Variants in NEDD4L observed in about 807,000 individuals in gnomAD.
NEDD4L encodes the protein E3 ubiquitin-protein ligase NEDD4-like.
In NEDD4L, 54 loss-of-function variants were observed where a neutral mutation model predicts 148.9. That is an observed-to-expected ratio of 0.36 (90% CI 0.29 to 0.45). The LOEUF (loss-of-function observed/expected upper bound fraction) is 0.45. Among genes scored for constraint, NEDD4L ranks in the 20% least tolerant of loss-of-function variants. NEDD4L has a pLI of 1.00. For missense variants in NEDD4L, 856 were observed against 1,233.8 expected (o/e 0.69, Z 4.59); for synonymous variants, 433 against 440.7 (o/e 0.98, Z 0.22).
chr18:58,160,335 C>T (rs2036042140), intron 1 of NEDD4L, among the ~76,000 whole-genome samples: 1 of 152,160 alleles, frequency 6.6e-6, no homozygotes, highest in Non-Finnish European at 1.5e-5. Context: ...GCTCGGGCAC[C>T]TTATCTTGTT....
chr18:58,110,823 T>C (rs1003637168), intron 1 of NEDD4L, among the ~76,000 whole-genome samples: 3 of 152,226 alleles, frequency 2.0e-5, no homozygotes, highest in African/African-American at 7.2e-5. Context: ...TGCCTGTGCA[T>C]GTGTATGCCT....
intron 2 of NEDD4L, among the ~76,000 whole-genome samples, chr18:58,205,302 T>G (rs1460136033): frequency 6.7e-6 from 1 of 150,302 alleles, no homozygotes; most frequent in Non-Finnish European, 1.5e-5. Context: ...CACCAAGTAA[T>G]CTGTTGTGTT....
intron 2 of NEDD4L, chr18:58,221,646 G>A (rs2043786759): frequency 1.8e-5 from 18 of 985,326 alleles, no homozygotes; most frequent in Non-Finnish European, 2.0e-5. Context: ...AACTGGGAAG[G>A]AGGAAGACGA....
chr18:58,214,456 C>G (rs1222495668), intron 2 of NEDD4L, among the ~76,000 whole-genome samples: 1 of 152,152 alleles, frequency 6.6e-6, no homozygotes, highest in Non-Finnish European at 1.5e-5. Flanking sequence ...TCTCTCCAAG[C>G]CTTAGTGGGA....
chr18:58,120,994 TG>T (rs1458130404), intron 1 of NEDD4L, among the ~76,000 whole-genome samples: 1 of 152,134 alleles, frequency 6.6e-6, no homozygotes, highest in Admixed American at 6.5e-5. Context: ...AATTAAGTGA[TG>T]TTTTTCTATC....
At chr18:58,180,750 G>A (rs1431872370) in intron 2 of NEDD4L, among the ~76,000 whole-genome samples, 1 of 152,136 alleles carries the variant, frequency 6.6e-6, no homozygotes, top group African/African-American at 2.4e-5. Context: ...CCATCACATT[G>A]CTTTTCTGTC....
chr18:58,050,606 C>T (rs893681835), intron 1 of NEDD4L, among the ~76,000 whole-genome samples: 5 of 150,864 alleles, frequency 3.3e-5, no homozygotes, highest in African/African-American at 1.2e-4. Context: ...ACTAAAAATA[C>T]AAAAATTAGC....
At chr18:58,307,070 A>G (rs997812977) in intron 5 of NEDD4L, among the ~76,000 whole-genome samples, 1 of 152,196 alleles carries the variant, frequency 6.6e-6, no homozygotes, top group Non-Finnish European at 1.5e-5. Flanking sequence ...GGTGGAGTCC[A>G]CTGGGCAGAG....
rs2050563842 is a variant in NEDD4L at position 58,397,388 on chromosome 18, T to C, written c.*1119T>C. On this transcript the variant is annotated 3_prime_UTR_variant, in exon 31 of 31. Transcript: ENST00000400345. ...TTATCATGAACATTAAATGTGATGA[T>C]GATTTCTTTTCCCTGCACACATCTT... 6.5e-6 allele frequency: 1 copy of C among 152,678 alleles called. No individual in the cohort carries two copies. Among genetic ancestry groups the C allele is most frequent in the Admixed American group, 6.5e-5 (1 of 15,290 alleles). 9.5% of individuals were successfully genotyped at this position (152,678 alleles called of 1,614,324 possible). A position where few individuals can be genotyped will look rare whatever the true frequency, so the allele number is the denominator to read the frequency against.
In NEDD4L at chr18:58,164,035, CT is replaced by C. The variant is rs34380629; in HGVS notation, c.49-1739del. Among the ~76,000 whole-genome samples the C allele has an allele frequency of 5.5e-3, 784 of 142,044 alleles. 3 individuals carry two copies. The highest frequency in any genetic ancestry group is 0.013 in the African/African-American group (513 of 38,926). The allele number at this position is 142,044 out of a possible 152,430, so 93.2% of individuals were successfully genotyped here. ...TGTTCTTGGGGACTCCATCCTGAGCCTTTTTTTTTTTTTTGAGACCGAGTCT... is the reference window on the plus strand; with the variant it reads ...TGTTCTTGGGGACTCCATCCTGAGCCTTTTTTTTTTTTTGAGACCGAGTCT... On this transcript the variant is annotated intron_variant, in intron 1 of 30. Transcript: ENST00000400345.
chr18:58,234,098 TTTC>T (rs1434794766), intron 2 of NEDD4L, among the ~76,000 whole-genome samples: 1 of 71,630 alleles, frequency 1.4e-5, no homozygotes, highest in Non-Finnish European at 2.6e-5. Flanking sequence ...TCTTTCTTTC[TTTC>T]TTTTCTTTTC....
chr18:58,342,536 C>G (rs1299458508), intron 15 of NEDD4L, among the ~76,000 whole-genome samples: 7 of 152,064 alleles, frequency 4.6e-5, no homozygotes, highest in Non-Finnish European at 1.0e-4. Context: ...TAGCTTTTTT[C>G]CTTTTTGTGC....
chr18:58,293,743 T>G (rs1362011252), intron 5 of NEDD4L, among the ~76,000 whole-genome samples: 1 of 152,126 alleles, frequency 6.6e-6, no homozygotes, highest in African/African-American at 2.4e-5. Context: ...TAAGGAAAAT[T>G]TTTTTTGAGG....
At chr18:58,186,842 C>T (rs1320197548) in intron 2 of NEDD4L, among the ~76,000 whole-genome samples, 3 of 152,220 alleles carry the variant, frequency 2.0e-5, no homozygotes, top group Admixed American at 2.0e-4. Context: ...AGCTGGTCTG[C>T]AGCCCTGGCA....
At chr18:58,203,079 C>T (rs1405406430) in intron 2 of NEDD4L, among the ~76,000 whole-genome samples, 1 of 152,034 alleles carries the variant, frequency 6.6e-6, no homozygotes, top group Admixed American at 6.6e-5. Flanking sequence ...GTGATCCTCC[C>T]ACCTTAACCT....
At chr18:58,155,593 C>T (rs1053976256) in intron 1 of NEDD4L, among the ~76,000 whole-genome samples, 1 of 152,112 alleles carries the variant, frequency 6.6e-6, no homozygotes, top group Non-Finnish European at 1.5e-5. Context: ...CATTTGCACC[C>T]TTTAAGGAAG....
chr18:58,149,561 TAACACTCGGTA>T lies in NEDD4L; in HGVS notation c.49-16225_49-16215del, dbSNP rs1291833838. On this transcript the variant is annotated intron_variant, in intron 1 of 30. Transcript: ENST00000400345. ...ATGAGACGTCTCGCATTTGAGCAGGTAACACTCGGTAAGACTTTGCTTGGTGGGGGAGGAGG... is the reference window on the plus strand; with the variant it reads ...ATGAGACGTCTCGCATTTGAGCAGGTAGACTTTGCTTGGTGGGGGAGGAGG... 2.7e-5 allele frequency: 41 copies of T among 1,538,458 alleles called. No individual in the cohort carries two copies. The East Asian group carries it at 8.1e-4, about 30-fold the overall frequency.
chr18:58,198,105 G>A (rs971144083), intron 2 of NEDD4L, among the ~76,000 whole-genome samples: 1 of 152,176 alleles, frequency 6.6e-6, no homozygotes, highest in Non-Finnish European at 1.5e-5. Flanking sequence ...GGTAAAGTTA[G>A]CCCTTTCTTC....
intron 1 of NEDD4L, among the ~76,000 whole-genome samples, chr18:58,091,822 G>A (rs1180983596): frequency 2.0e-5 from 3 of 152,208 alleles, no homozygotes; most frequent in East Asian, 1.9e-4. Context: ...AAATGCACAT[G>A]TAATAGCATT....
Sources: allele counts gnomAD v4.1 joint callset (sites outside exome capture counted in the v4.1 genomes callset), GRCh38; gene constraint gnomAD v4.1.1; transcripts MANE v1.5; gene names NCBI Gene and HGNC (gene_info 2026-07-23, HGNC 2026-07-21).